The following PLCL2 variants were observed in gnomAD, a reference collection of about 807,000 sequenced individuals.
PLCL2 encodes phospholipase C like 2, also known as inactive phospholipase C-like protein 2.
PLCL2 carries 4 observed loss-of-function variants against 79.6 expected under a neutral mutation model. That is an observed-to-expected ratio of 0.05 (90% CI 0.02 to 0.11). The LOEUF (loss-of-function observed/expected upper bound fraction) is 0.11. PLCL2 is among the 10% of genes least tolerant of loss of function. The pLI is 1.00. For missense variants in PLCL2, 895 were observed against 1,291.0 expected (o/e 0.69, Z 4.70); for synonymous variants, 484 against 457.7 (o/e 1.06, Z -0.73).
At chr3:16,935,834 A>G (rs1697526378) in intron 1 of PLCL2, among the ~76,000 whole-genome samples, 1 of 152,258 alleles carries the variant, frequency 6.6e-6, no homozygotes, top group Non-Finnish European at 1.5e-5. Context: ...ACACCCATTC[A>G]GAATAGAATG....
At chr3:16,948,371 G>C (rs867935604) in intron 1 of PLCL2, among the ~76,000 whole-genome samples, 5 of 152,080 alleles carry the variant, frequency 3.3e-5, no homozygotes, top group Non-Finnish European at 5.9e-5. Flanking sequence ...TCGGGGGTTG[G>C]GGGGACAAGG....
At chr3:16,885,908 T>TA (rs1160583101) in intron 1 of PLCL2, among the ~76,000 whole-genome samples, 1 of 152,006 alleles carries the variant, frequency 6.6e-6, no homozygotes, top group African/African-American at 2.4e-5. Flanking sequence ...CAAAGAAAAA[T>TA]AGAGTAGATT....
chr3:17,012,603 C>T (rs950514820), intron 2 of PLCL2, among the ~76,000 whole-genome samples: 1 of 152,164 alleles, frequency 6.6e-6, no homozygotes, highest in African/African-American at 2.4e-5. Flanking sequence ...GATGGGAAAC[C>T]TTTAAATGAG....
chr3:17,005,280 T>C (rs2064250126), intron 1 of PLCL2, among the ~76,000 whole-genome samples: 1 of 152,192 alleles, frequency 6.6e-6, no homozygotes, highest in Non-Finnish European at 1.5e-5. Flanking sequence ...CTTGGTTTCT[T>C]GTTCCTCTTC....
intron 1 of PLCL2, among the ~76,000 whole-genome samples, chr3:16,917,145 A>G (rs1392739915): frequency 2.0e-5 from 3 of 152,142 alleles, no homozygotes; most frequent in Non-Finnish European, 4.4e-5. Context: ...CCATTTTGTT[A>G]AGGACACACA....
intron 1 of PLCL2, among the ~76,000 whole-genome samples, chr3:16,971,380 C>T (rs1011180133): frequency 2.0e-5 from 3 of 152,050 alleles, no homozygotes; most frequent in Non-Finnish European, 4.4e-5. Flanking sequence ...TGTAGATATG[C>T]AGCGTTATTT....
intron 4 of PLCL2, among the ~76,000 whole-genome samples, chr3:17,049,293 T>G (rs1037578452): frequency 2.0e-5 from 3 of 152,210 alleles, no homozygotes; most frequent in Non-Finnish European, 4.4e-5. Flanking sequence ...GAGGTTTGGC[T>G]TAAAAAATGT....
chr3:17,082,312 T>G (rs1029530475), intron 5 of PLCL2, among the ~76,000 whole-genome samples: 3 of 151,660 alleles, frequency 2.0e-5, no homozygotes, highest in African/African-American at 7.3e-5. Context: ...CCAGCTAATT[T>G]TTTTTTTTTG....
chr3:16,904,755 G>C (rs1238827990), intron 1 of PLCL2, among the ~76,000 whole-genome samples: 2 of 151,722 alleles, frequency 1.3e-5, no homozygotes, highest in Non-Finnish European at 2.9e-5. Flanking sequence ...CATGGGGGCG[G>C]TTACCTCCAT....
chr3:17,046,055 G>T (rs183823429), intron 4 of PLCL2, among the ~76,000 whole-genome samples: 3 of 152,094 alleles, frequency 2.0e-5, no homozygotes, highest in Admixed American at 2.0e-4. Context: ...ATCCTGCAGG[G>T]GTGATATGGG....
chr3:16,943,141 C>G (rs1198117353), intron 1 of PLCL2, among the ~76,000 whole-genome samples: 1 of 152,192 alleles, frequency 6.6e-6, no homozygotes, highest in East Asian at 1.9e-4. Context: ...ATACTTCTGA[C>G]ACGTTGACAT....
Position 17,073,541 on chromosome 3 carries a change from C to T in PLCL2, c.3204+5476C>T, listed in dbSNP as rs186118136. ...AATTTCTTAAAATAAGACAGTGGAG[C>T]TTGCTACACTGATGGACTCTTTGTT... On this transcript the variant is annotated intron_variant, in intron 5 of 5. Transcript: ENST00000615277. Among the ~76,000 whole-genome samples, 256 of 152,246 alleles carry T rather than the reference C, an allele frequency of 1.7e-3. 3 individuals are homozygous for T. Among genetic ancestry groups the T allele is most frequent in the African/African-American group, 5.9e-3 (247 of 41,542 alleles).
At chr3:16,904,702 TC>T (rs1376434591) in intron 1 of PLCL2, among the ~76,000 whole-genome samples, 1 of 152,174 alleles carries the variant, frequency 6.6e-6, no homozygotes, top group African/African-American at 2.4e-5. Flanking sequence ...GTTCCCGTAA[TC>T]CCTACATGTC....
chr3:16,896,333 G>A (rs1271380696), intron 1 of PLCL2, among the ~76,000 whole-genome samples: 4 of 152,120 alleles, frequency 2.6e-5, no homozygotes, highest in Non-Finnish European at 5.9e-5. Flanking sequence ...GCAGCTTGCT[G>A]GAAGAGCCTG....
intron 1 of PLCL2, among the ~76,000 whole-genome samples, chr3:16,893,850 G>A (rs1369205040): frequency 6.6e-6 from 1 of 152,184 alleles, no homozygotes; most frequent in Non-Finnish European, 1.5e-5. Flanking sequence ...AAATCGTAAA[G>A]ATTAAGAGCA....
chr3:16,953,826 T>C (rs991707199), intron 1 of PLCL2, among the ~76,000 whole-genome samples: 2 of 152,076 alleles, frequency 1.3e-5, no homozygotes, highest in East Asian at 1.9e-4. Flanking sequence ...ATAGTAGACA[T>C]AGAAATACGT....
rs148580712 is a variant in PLCL2 at position 17,007,180 on chromosome 3, G to A, written c.328-2494G>A. 1.7e-3 allele frequency among the ~76,000 whole-genome samples: 255 copies of A among 152,192 alleles called. 1 individual carries two copies. The South Asian group carries it at 0.02, about 12-fold the overall frequency. Reference sequence around the variant, plus strand: ...TAAAAACTAAAGACATCGGTCAGGCGTGGTGGCTCACACCTGTAATCCTAG... The same window carrying A: ...TAAAAACTAAAGACATCGGTCAGGCATGGTGGCTCACACCTGTAATCCTAG... On this transcript the variant is annotated intron_variant, in intron 1 of 5. Transcript: ENST00000615277.
intron 1 of PLCL2, among the ~76,000 whole-genome samples, chr3:16,952,360 CAAAAAAA>C (rs35421244): frequency 1.8e-4 from 4 of 22,616 alleles, no homozygotes; most frequent in Admixed American, 8.6e-4. Flanking sequence ...GAACTTAAAG[CAAAAAAA>C]AAAAAAAAAA....
intron 3 of PLCL2, among the ~76,000 whole-genome samples, chr3:17,027,584 T>G (rs2064531066): frequency 6.6e-6 from 1 of 152,226 alleles, no homozygotes; most frequent in African/African-American, 2.4e-5. Flanking sequence ...ACAGTGATTT[T>G]CAAAGTCACC....
Sources: gnomAD v4.1 joint callset for allele counts (sites outside exome capture counted in the v4.1 genomes callset) on GRCh38, gnomAD v4.1.1 for gene constraint, MANE v1.5 for transcripts, NCBI Gene and HGNC (gene_info 2026-07-23, HGNC 2026-07-21) for gene names.